The following RIN2 variants were observed in gnomAD, a reference collection of about 807,000 sequenced individuals.
RIN2 encodes RAB5 interacting protein 2.
Under a neutral mutation model 78.0 loss-of-function variants are expected in RIN2, and 36 were observed. The ratio of observed to expected loss-of-function variants is 0.46; its 90% CI spans 0.35 to 0.61. The LOEUF (loss-of-function observed/expected upper bound fraction) is 0.61. Among genes scored for constraint, RIN2 ranks in the 20% least tolerant of loss-of-function variants. RIN2 has a pLI of 0.00. For synonymous variants in RIN2, 466 were observed against 466.8 expected, an observed-to-expected ratio of 1.00 and a Z score of 0.02; for missense variants, 1,087 against 1,159.7, an observed-to-expected ratio of 0.94 and a Z score of 0.91.
At chr20:19,991,027 C>T (rs906706993) in intron 10 of RIN2, among the ~76,000 whole-genome samples, 8 of 152,190 alleles carry the variant, frequency 5.3e-5, no homozygotes, top group Admixed American at 2.0e-4. Flanking sequence ...TGGAGCCCTG[C>T]ATTGTCCCAG....
chr20:19,770,433 G>A (rs1389987560), intron 1 of RIN2, among the ~76,000 whole-genome samples: 1 of 152,150 alleles, frequency 6.6e-6, no homozygotes, highest in African/African-American at 2.4e-5. Context: ...CAGAGGCAAG[G>A]AGAAAGCCCT....
intron 2 of RIN2, among the ~76,000 whole-genome samples, chr20:19,820,087 A>G (rs2035883778): frequency 6.6e-6 from 1 of 152,190 alleles, no homozygotes; most frequent in Admixed American, 6.6e-5. Flanking sequence ...AAAAGGCTCA[A>G]ACAGACAACT....
chr20:19,970,744 C>T (rs2042077065), intron 7 of RIN2, 94 bp from the exon 8 acceptor site: 3 of 979,568 alleles, frequency 3.1e-6, no homozygotes, highest in Admixed American at 4.0e-5. Context: ...ACATTTTAAA[C>T]AGTTTAAGCT....
At position 20,001,322 on chromosome 20, in the gene RIN2, T is replaced by G. The variant is rs1332484200; in HGVS notation, c.*386T>G. On this transcript the variant is annotated 3_prime_UTR_variant, in exon 13 of 13. Transcript: ENST00000255006. The stretch of plus-strand genomic sequence containing the variant: ...CAGTGCGTCAGGTGATTCTCACTCC[T>G]GTGGATGGCTTCATCCCTGCCTTCC... 1 of 160,464 alleles carries G rather than the reference T, an allele frequency of 6.2e-6. No homozygotes were observed. The highest frequency in any genetic ancestry group is 1.3e-5 in the Non-Finnish European group (1 of 74,446). The allele number at this position is 160,464 out of a possible 1,614,324, so 9.9% of individuals were successfully genotyped here. A position where few individuals can be genotyped will look rare whatever the true frequency, so the allele number is the denominator to read the frequency against.
intron 2 of RIN2, among the ~76,000 whole-genome samples, chr20:19,881,279 C>T (rs2038020490): frequency 6.6e-6 from 1 of 152,120 alleles, no homozygotes; most frequent in Non-Finnish European, 1.5e-5. Context: ...ATTTACACCA[C>T]AAAATAGGCA....
chr20:19,824,016 A>AG, intron 2 of RIN2: 1 of 898,100 alleles, frequency 1.1e-6, no homozygotes, highest in Non-Finnish European at 1.7e-6. Context: ...GCCTCCTCCG[A>AG]GCCGAAAGCC....
chr20:19,913,065 G>C (rs536043012), intron 3 of RIN2, among the ~76,000 whole-genome samples: 1 of 152,192 alleles, frequency 6.6e-6, no homozygotes, highest in South Asian at 2.1e-4. Flanking sequence ...GAGGAGCCCA[G>C]AATTTAGAAG....
chr20:19,922,222 A>G (rs1047576185), intron 3 of RIN2, among the ~76,000 whole-genome samples: 1 of 152,114 alleles, frequency 6.6e-6, no homozygotes, highest in Non-Finnish European at 1.5e-5. Context: ...AATTATCCCA[A>G]TCAGGAGTGG....
chr20:19,897,760 G>T (rs2038800649), intron 3 of RIN2, among the ~76,000 whole-genome samples: 1 of 151,170 alleles, frequency 6.6e-6, no homozygotes, highest in South Asian at 2.1e-4. Flanking sequence ...TGCCCAGGCT[G>T]GAGGGCTGTG....
intron 4 of RIN2, among the ~76,000 whole-genome samples, chr20:19,947,611 C>G (rs926961668): frequency 2.0e-5 from 3 of 152,158 alleles, no homozygotes; most frequent in African/African-American, 7.2e-5. Flanking sequence ...CATTCTGTAA[C>G]CACTTATTAA....
intron 2 of RIN2, among the ~76,000 whole-genome samples, chr20:19,850,440 T>C (rs73277406): frequency 0.065 from 9,949 of 152,210 alleles, 1,075 homozygotes; most frequent in African/African-American, 0.22. Context: ...CTCTAGACAA[T>C]GCACAGAACC....
chr20:19,789,199 G>A (rs937160282), intron 1 of RIN2, among the ~76,000 whole-genome samples: 5 of 152,130 alleles, frequency 3.3e-5, no homozygotes, highest in South Asian at 2.1e-4. Context: ...CACAGATGGC[G>A]CTAGTCAGTT....
In RIN2 at chr20:19,791,114, G is replaced by A. The variant is rs959625164; in HGVS notation, c.-162-8508G>A. 6.6e-5 allele frequency among the ~76,000 whole-genome samples: 10 copies of A among 152,310 alleles called. No homozygotes were observed. In the Middle Eastern group the frequency reaches 0.01, roughly 155 times the overall value. On this transcript the variant is annotated intron_variant, in intron 1 of 12. Coordinates refer to ENST00000255006, the MANE Select transcript of RIN2 (RefSeq NM_018993.4). ...AGGACTTCATGTGTGTTCCTGTAAT[G>A]TATAGCTTAGACCTTGAACAAAATC... is the stretch of plus-strand genomic sequence containing the variant.
At chr20:19,805,322 C>T (rs559338229) in intron 2 of RIN2, among the ~76,000 whole-genome samples, 26 of 152,306 alleles carry the variant, frequency 1.7e-4, no homozygotes, top group South Asian at 6.2e-4. Flanking sequence ...ACCATCACTG[C>T]GACAGACTGT....
At chr20:19,971,026 TC>T in intron 8 of RIN2, 97 bp downstream of exon 8, 2 of 846,264 alleles carry the variant, frequency 2.4e-6, no homozygotes, top group Non-Finnish European at 3.8e-6. Context: ...CGTCAATCTC[TC>T]CAGCTTCTCC....
intron 6 of RIN2, among the ~76,000 whole-genome samples, chr20:19,963,624 A>T (rs1334880807): frequency 6.6e-6 from 1 of 151,584 alleles, no homozygotes; most frequent in Non-Finnish European, 1.5e-5. Context: ...AAAAAAAAAA[A>T]AGGCAAATAA....
intron 3 of RIN2, among the ~76,000 whole-genome samples, chr20:19,906,259 G>C (rs1448909717): frequency 6.6e-6 from 1 of 152,148 alleles, no homozygotes; most frequent in Non-Finnish European, 1.5e-5. Flanking sequence ...AGACCAGCCT[G>C]GGCAATACAG....
chr20:19,812,070 T>TTTTTA (rs57450631), intron 2 of RIN2, among the ~76,000 whole-genome samples: 3 of 152,234 alleles, frequency 2.0e-5, no homozygotes, highest in Non-Finnish European at 2.9e-5. Context: ...TCTTTTTTTT[T>TTTTTA]ACCACTGAAT....
intron 3 of RIN2, among the ~76,000 whole-genome samples, chr20:19,928,923 GC>G (rs2040335584): frequency 6.6e-6 from 1 of 152,158 alleles, no homozygotes; most frequent in South Asian, 2.1e-4. Flanking sequence ...CACAGGCAAT[GC>G]CCCGGCAAGA....
Sources: gnomAD v4.1 joint callset for allele counts (sites outside exome capture counted in the v4.1 genomes callset) on GRCh38, gnomAD v4.1.1 for gene constraint, MANE v1.5 for transcripts, NCBI Gene and HGNC (gene_info 2026-07-23, HGNC 2026-07-21) for gene names.